MAF: variants seen among roughly 807,000 people sequenced by gnomAD.
MAF encodes transcription factor Maf.
A neutral mutation model predicts 22.0 loss-of-function variants in MAF; 10 were observed. The observed-to-expected ratio is 0.45, with a 90% confidence interval of 0.28 to 0.77. MAF has a LOEUF of 0.77. MAF is among the 30% of genes least tolerant of loss of function. The pLI is 0.12. For synonymous variants in MAF, 337 were observed against 255.8 expected, an observed-to-expected ratio of 1.32 and a Z score of -3.03; for missense variants, 544 against 548.4, an observed-to-expected ratio of 0.99 and a Z score of 0.08.
the MAF span, among the ~76,000 whole-genome samples, chr16:79,524,376 G>C: frequency 6.6e-5 from 10 of 152,200 alleles, no homozygotes; most frequent in East Asian, 1.9e-3. Context: ...GGGTTTTGTA[G>C]ATGGGGATTT....
chr16:79,310,040 T>A, the MAF span, among the ~76,000 whole-genome samples: 126 of 152,238 alleles, frequency 8.3e-4, no homozygotes, highest in African/African-American at 2.9e-3. Context: ...GCAGAACATA[T>A]GGAAAAATAT....
the MAF span, among the ~76,000 whole-genome samples, chr16:79,494,400 TCTC>T: frequency 6.6e-6 from 1 of 152,108 alleles, no homozygotes; most frequent in Non-Finnish European, 1.5e-5. Flanking sequence ...GCCTCTCTCT[TCTC>T]CTTGTATAAA....
At chr16:79,488,316 C>G in the MAF span, among the ~76,000 whole-genome samples, 1 of 152,082 alleles carries the variant, frequency 6.6e-6, no homozygotes, top group African/African-American at 2.4e-5. Context: ...TGTTGGGTGT[C>G]CAGAAATGTT....
the MAF span, among the ~76,000 whole-genome samples, chr16:79,475,937 A>T: frequency 6.6e-6 from 1 of 152,106 alleles, no homozygotes; most frequent in Non-Finnish European, 1.5e-5. Context: ...TATTCCTGTG[A>T]TTATGTTACA....
the MAF span, chr16:79,205,306 A>ATG: frequency 2.6e-5 from 4 of 152,166 alleles, no homozygotes; most frequent in African/African-American, 7.2e-5. Context: ...CACTGTCCCT[A>ATG]GTGTCACCTG....
chr16:79,213,789 C>CA, the MAF span, among the ~76,000 whole-genome samples: 73,312 of 151,724 alleles, frequency 0.48, 19,929 homozygotes, highest in Non-Finnish European at 0.63. Flanking sequence ...CACAGCAATG[C>CA]AAAAGATAGT....
At chr16:79,406,148 G>A in the MAF span, among the ~76,000 whole-genome samples, 1 of 152,074 alleles carries the variant, frequency 6.6e-6, no homozygotes, top group Admixed American at 6.5e-5. Flanking sequence ...ACCCATCCAT[G>A]GCCTTTGGCT....
chr16:79,267,662 C>T, the MAF span, among the ~76,000 whole-genome samples: 1 of 152,166 alleles, frequency 6.6e-6, no homozygotes, highest in Non-Finnish European at 1.5e-5. Context: ...TTGGGCAAGA[C>T]ACTTCATCTT....
At chr16:79,547,767 G>A in the MAF span, among the ~76,000 whole-genome samples, 1 of 152,080 alleles carries the variant, frequency 6.6e-6, no homozygotes, top group Admixed American at 6.5e-5. Context: ...GACATCACAT[G>A]AAAATAAGTC....
the MAF span, among the ~76,000 whole-genome samples, chr16:79,256,794 T>TA: frequency 2.0e-5 from 3 of 152,114 alleles, no homozygotes; most frequent in African/African-American, 7.2e-5. Flanking sequence ...TTTTAAGCCT[T>TA]AAAAATCTCC....
At chr16:79,337,217 A>G in the MAF span, among the ~76,000 whole-genome samples, 1 of 152,280 alleles carries the variant, frequency 6.6e-6, no homozygotes, top group East Asian at 1.9e-4. Context: ...CCTCCTTCAC[A>G]ATCTCTCTAC....
chr16:79,272,049 A>T, the MAF span, among the ~76,000 whole-genome samples: 2 of 152,066 alleles, frequency 1.3e-5, no homozygotes, highest in Non-Finnish European at 2.9e-5. Flanking sequence ...TCTCCCAGCG[A>T]CAGGTACGTG....
the MAF span, among the ~76,000 whole-genome samples, chr16:79,457,828 C>T: frequency 3.3e-5 from 5 of 152,062 alleles, no homozygotes; most frequent in African/African-American, 9.7e-5. Context: ...GAAATGCCAT[C>T]GCAATTGGAA....
At chr16:79,287,665 C>T in the MAF span, among the ~76,000 whole-genome samples, 4 of 152,188 alleles carry the variant, frequency 2.6e-5, no homozygotes, top group African/African-American at 9.7e-5. Context: ...GTTTGTTGAG[C>T]CATTTATTTG....
the MAF span, among the ~76,000 whole-genome samples, chr16:79,281,422 C>G: frequency 6.6e-6 from 1 of 151,790 alleles, no homozygotes; most frequent in Non-Finnish European, 1.5e-5. Flanking sequence ...TACTTAATAC[C>G]AAATATTTAA....
chr16:79,437,364 G>C, the MAF span, among the ~76,000 whole-genome samples: 1 of 152,166 alleles, frequency 6.6e-6, no homozygotes, highest in Non-Finnish European at 1.5e-5. Flanking sequence ...ACAGGTGTAA[G>C]AGAACCCCAG....
the MAF span, among the ~76,000 whole-genome samples, chr16:79,303,205 G>A: frequency 6.6e-6 from 1 of 152,202 alleles, no homozygotes; most frequent in Admixed American, 6.5e-5. Context: ...GCATATTGCA[G>A]AAGCATCTGA....
chr16:79,486,827 G>A, the MAF span, among the ~76,000 whole-genome samples: 1 of 152,192 alleles, frequency 6.6e-6, no homozygotes, highest in African/African-American at 2.4e-5. Flanking sequence ...ATAGAGCTAC[G>A]TGTTTGAGAA....
the MAF span, among the ~76,000 whole-genome samples, chr16:79,422,834 G>A: frequency 6.6e-6 from 1 of 152,050 alleles, no homozygotes; most frequent in Non-Finnish European, 1.5e-5. Context: ...CTAATCTTAT[G>A]AACACTCAGC....
Sources: allele counts gnomAD v4.1 joint callset (sites outside exome capture counted in the v4.1 genomes callset), GRCh38; gene constraint gnomAD v4.1.1; transcripts MANE v1.5; gene names NCBI Gene and HGNC (gene_info 2026-07-23, HGNC 2026-07-21).